The following TTLL9 variants were observed in gnomAD, a reference collection of about 807,000 sequenced individuals.
TTLL9 encodes the protein tubulin tyrosine ligase like 9, also known as probable tubulin polyglutamylase TTLL9.
In TTLL9, 47 loss-of-function variants were observed where a neutral mutation model predicts 65.6. The observed-to-expected ratio is 0.72, with a 90% CI of 0.57 to 0.91. The LOEUF is 0.91. TTLL9 is among the 40% of genes least tolerant of loss of function. The pLI is 0.00. For synonymous variants in TTLL9, 179 were observed against 204.8 expected (o/e 0.87, Z 1.07); for missense variants, 537 against 568.8 (o/e 0.94, Z 0.57).
At chr20:31,873,955 G>C (rs562926685) in intron 2 of TTLL9, among the ~76,000 whole-genome samples, 1 of 152,354 alleles carries the variant, frequency 6.6e-6, no homozygotes, top group African/African-American at 2.4e-5. Flanking sequence ...GCAGCTCTGC[G>C]ATCCTAGGCG....
Position 31,909,840 on chromosome 20 carries a change from A to G in TTLL9, c.422A>G (p.Lys141Arg). 6.2e-7 allele frequency: 1 copy of G among 1,614,152 alleles called. No homozygotes were observed. The highest frequency in any genetic ancestry group is 1.1e-5 in the South Asian group (1 of 91,080). Residue 141 changes from lysine (K) to arginine (R), a missense_variant, in exon 6 of 15, where the codon AAA becomes AGA. Physicochemically the swap from Lys to Arg is conservative, Grantham distance 26. Transcript: ENST00000535842. ...LEAAKCDFFP[K>R]TFEMPCEYHL... ...GCAGCCAAGTGTGACTTCTTCCCCAAAACCTTTGAGATGCCTTGCGAGTAC... is the reference window on the plus strand; with the variant it reads ...GCAGCCAAGTGTGACTTCTTCCCCAGAACCTTTGAGATGCCTTGCGAGTAC...
intron 10 of TTLL9, among the ~76,000 whole-genome samples, chr20:31,932,471 C>CAA (rs58783829): frequency 6.9e-5 from 6 of 86,468 alleles, no homozygotes; most frequent in African/African-American, 1.7e-4. Flanking sequence ...GACCCTGTCT[C>CAA]AAAAAAAAAA....
chr20:31,908,799 G>A, intron 5 of TTLL9, 97 bp downstream of exon 5: 1 of 1,009,954 alleles, frequency 9.9e-7, no homozygotes, highest in South Asian at 1.4e-5. Flanking sequence ...AAGTGTATTA[G>A]AATGTGGGAT....
intron 2 of TTLL9, among the ~76,000 whole-genome samples, chr20:31,873,742 A>G (rs1337665924): frequency 7.0e-6 from 1 of 141,960 alleles, no homozygotes; most frequent in Non-Finnish European, 1.5e-5. Flanking sequence ...AAGAAAAAGG[A>G]AGGAAGGAAG....
chr20:31,913,848 C>T (rs1455795692), intron 6 of TTLL9, among the ~76,000 whole-genome samples: 2 of 152,224 alleles, frequency 1.3e-5, no homozygotes, highest in African/African-American at 2.4e-5. Context: ...CAGTTCAGGC[C>T]GTCAGGGTTG....
chr20:31,898,854 T>C (rs1215738555), intron 4 of TTLL9, among the ~76,000 whole-genome samples: 1 of 152,208 alleles, frequency 6.6e-6, no homozygotes, highest in East Asian at 1.9e-4. Context: ...CCAGGCACGT[T>C]TGTGTCCTGT....
chr20:31,874,451 G>A lies in TTLL9; in HGVS notation c.69+3256G>A, dbSNP rs375009372. Among the ~76,000 whole-genome samples the A allele has an allele frequency of 6.0e-4, 83 of 137,234 alleles. 1 individual carries two copies. The Middle Eastern group carries it at 0.012, about 20-fold the overall frequency. 90.0% of individuals were successfully genotyped at this position (137,234 alleles called of 152,430 possible). A position where few individuals can be genotyped will look rare whatever the true frequency, so the allele number is the denominator to read the frequency against. ...TTTTGAGACAAAGTCTCACTCTGTC[G>A]CCCAGGCTGGAGTGCAATGGTGCAA... is the stretch of plus-strand genomic sequence containing the variant. On this transcript the variant is annotated intron_variant, in intron 2 of 14. Transcript: ENST00000535842.
chr20:31,938,017 A>G (rs184310701), intron 13 of TTLL9: 146 of 370,240 alleles, frequency 3.9e-4, no homozygotes, highest in Middle Eastern at 9.9e-4. Context: ...TGGCTGGTCT[A>G]TTCTCTCTCT....
chr20:31,910,773 G>T (rs1305970422), intron 6 of TTLL9, among the ~76,000 whole-genome samples: 1 of 152,304 alleles, frequency 6.6e-6, no homozygotes, highest in Non-Finnish European at 1.5e-5. Context: ...CCTGAAGGAT[G>T]CATACAAGTC....
At chr20:31,912,532 G>C (rs2063670700) in intron 6 of TTLL9, among the ~76,000 whole-genome samples, 1 of 152,000 alleles carries the variant, frequency 6.6e-6, no homozygotes, top group African/African-American at 2.4e-5. Context: ...TTTCTAGCAA[G>C]TTCCCAGGTA....
intron 3 of TTLL9, among the ~76,000 whole-genome samples, chr20:31,889,986 CTTTCTTTCTTTCTT>C (rs2063266740): frequency 8.3e-6 from 1 of 120,288 alleles, no homozygotes; most frequent in South Asian, 2.7e-4. Flanking sequence ...TTCTTTCTTT[CTTTCTTTCTTTCTT>C]TCTTTCTTTC....
intron 3 of TTLL9, 78 bp from the exon 4 acceptor site, chr20:31,898,395 T>C: frequency 1.6e-6 from 2 of 1,286,544 alleles, no homozygotes; most frequent in Non-Finnish European, 2.2e-6. Flanking sequence ...TGACTTCTCT[T>C]CCTCCTTTTT....
At chr20:31,881,867 G>A (rs1286079115) in intron 2 of TTLL9, among the ~76,000 whole-genome samples, 2 of 152,170 alleles carry the variant, frequency 1.3e-5, no homozygotes, top group Admixed American at 6.5e-5. Flanking sequence ...ACTCTTAGCA[G>A]TCTACACTGT....
chr20:31,894,953 G>A (rs1314521549), intron 3 of TTLL9, among the ~76,000 whole-genome samples: 1 of 151,976 alleles, frequency 6.6e-6, no homozygotes, highest in African/African-American at 2.4e-5. Flanking sequence ...GCTGATTATT[G>A]TTTAATTTAT....
chr20:31,888,553 C>T (rs1322533501), intron 3 of TTLL9, among the ~76,000 whole-genome samples: 1 of 151,794 alleles, frequency 6.6e-6, no homozygotes, highest in Non-Finnish European at 1.5e-5. Flanking sequence ...CTCACTGCAA[C>T]CTCTGCCTCC....
intron 3 of TTLL9, among the ~76,000 whole-genome samples, chr20:31,890,469 C>T (rs1202600523): frequency 1.3e-5 from 2 of 152,106 alleles, no homozygotes; most frequent in East Asian, 1.9e-4. Context: ...CATTGTGTAT[C>T]GCAAGTTATT....
intron 2 of TTLL9, among the ~76,000 whole-genome samples, chr20:31,883,271 T>A (rs2063143937): frequency 6.6e-6 from 1 of 151,980 alleles, no homozygotes; most frequent in South Asian, 2.1e-4. Context: ...AATCTCAGCT[T>A]ACTGCAAGCT....
Position 31,915,253 on chromosome 20 carries a change from G to A in TTLL9, c.505-4611G>A, listed in dbSNP as rs1356340946. 9.9e-5 allele frequency among the ~76,000 whole-genome samples: 15 copies of A among 152,122 alleles called. 1 individual carries two copies. The highest frequency in any genetic ancestry group is 9.8e-4 in the Admixed American group (15 of 15,268). On this transcript the variant is annotated intron_variant, in intron 6 of 14. Coordinates refer to ENST00000535842, the MANE Select transcript of TTLL9 (RefSeq NM_001008409.5). ...TCCCAGCACTTTGGGAGGCTGAGGCGGGCGGATCACGAGGTCAGGAGATCG... is the reference window on the plus strand; with the variant it reads ...TCCCAGCACTTTGGGAGGCTGAGGCAGGCGGATCACGAGGTCAGGAGATCG...
intron 2 of TTLL9, chr20:31,879,800 C>T (rs1325550127): frequency 6.5e-7 from 1 of 1,546,156 alleles, no homozygotes; most frequent in East Asian, 2.4e-5. Flanking sequence ...ATCCAGGCGC[C>T]TGTCTGTCGC....
Sources: allele counts gnomAD v4.1 joint callset (sites outside exome capture counted in the v4.1 genomes callset), GRCh38; gene constraint gnomAD v4.1.1; transcripts MANE v1.5; gene names NCBI Gene and HGNC (gene_info 2026-07-23, HGNC 2026-07-21).